Variants in VAT1L observed in about 807,000 individuals in gnomAD.
The protein encoded by VAT1L is putative NADPH-dependent quinone oxidoreductase VAT1L.
A neutral mutation model predicts 44.1 loss-of-function variants in VAT1L; 34 were observed. The ratio of observed to expected loss-of-function variants is 0.77; its 90% CI spans 0.59 to 1.03. The LOEUF is 1.03. VAT1L is among the 50% of genes least tolerant of loss of function. The probability of loss-of-function intolerance (pLI) is 0.00; values close to 1 mark genes in which losing one functional copy is unlikely to be tolerated. For synonymous variants in VAT1L, 253 were observed against 202.2 expected, an observed-to-expected ratio of 1.25 and a Z score of -2.13; for missense variants, 615 against 538.8, an observed-to-expected ratio of 1.14 and a Z score of -1.40.
intron 3 of VAT1L, among the ~76,000 whole-genome samples, chr16:77,831,441 G>T (rs2016576900): frequency 2.6e-5 from 4 of 152,114 alleles, no homozygotes; most frequent in Admixed American, 2.6e-4. Context: ...ATGCAGAAAA[G>T]GTGCTGCTTC....
intron 8 of VAT1L, among the ~76,000 whole-genome samples, chr16:77,976,024 C>T (rs373012118): frequency 6.6e-6 from 1 of 152,176 alleles, no homozygotes. Context: ...TTAAAAGAAC[C>T]AATGTCTGCG....
At position 77,884,922 on chromosome 16, in the gene VAT1L, G is replaced by C. The variant is rs1030351311; in HGVS notation, c.1077+120G>C. 1 of 1,151,356 alleles carries C rather than the reference G, an allele frequency of 8.7e-7. No homozygotes were observed. Among genetic ancestry groups the C allele is most frequent in the Middle Eastern group, 2.4e-4 (1 of 4,234 alleles). 71.3% of individuals were successfully genotyped at this position (1,151,356 alleles called of 1,614,324 possible). On this transcript the variant is annotated intron_variant, in intron 7 of 8. Transcript: ENST00000302536. This position sits in a 1 kb window ranked among gnomAD's most constrained non-coding sequence, Gnocchi z 4.5. ...TCCCAGATGGGTTTGTTTTAAATGA[G>C]GGTCCTAAAAGTCACCTGTACCACA...
chr16:77,811,122 G>C (rs774933549), intron 1 of VAT1L, among the ~76,000 whole-genome samples: 4 of 152,148 alleles, frequency 2.6e-5, no homozygotes, highest in Non-Finnish European at 4.4e-5. Flanking sequence ...ATCTGACACT[G>C]TTTGGATTTT....
At chr16:77,939,634 T>C (rs533736101) in intron 7 of VAT1L, among the ~76,000 whole-genome samples, 8 of 152,246 alleles carry the variant, frequency 5.3e-5, no homozygotes, top group African/African-American at 1.9e-4. Context: ...TCAAACCCTC[T>C]TGCTACCGAA....
intron 7 of VAT1L, among the ~76,000 whole-genome samples, chr16:77,895,293 A>G (rs935308514): frequency 4.6e-5 from 7 of 152,126 alleles, no homozygotes; most frequent in Non-Finnish European, 8.8e-5. Context: ...CAGTGTATCC[A>G]TCTGTGACAG....
intron 3 of VAT1L, among the ~76,000 whole-genome samples, chr16:77,849,358 A>G (rs2016786782): frequency 6.6e-6 from 1 of 152,204 alleles, no homozygotes; most frequent in South Asian, 2.1e-4. Flanking sequence ...AATGTGAAGA[A>G]ATCATCATTC....
chr16:77,928,839 A>ATGGAGTCTCACTCTGTCACCAGGC (rs1341636906), intron 7 of VAT1L, among the ~76,000 whole-genome samples: 1 of 151,912 alleles, frequency 6.6e-6, no homozygotes, highest in Admixed American at 6.6e-5. Context: ...TGTTTTTGAG[A>ATGGAGTCTCACTCTGTCACCAGGC]TGGAGTCTCA....
chr16:77,950,306 G>A (rs928137516), intron 7 of VAT1L, among the ~76,000 whole-genome samples: 2 of 152,148 alleles, frequency 1.3e-5, no homozygotes, highest in African/African-American at 2.4e-5. Flanking sequence ...CTACTCAGGA[G>A]GCTGACACAG....
intron 7 of VAT1L, among the ~76,000 whole-genome samples, chr16:77,967,955 C>T (rs959031294): frequency 3.3e-5 from 5 of 152,140 alleles, no homozygotes; most frequent in African/African-American, 1.2e-4. Flanking sequence ...GAGTGCCAAC[C>T]ACAATTGTGT....
chr16:77,915,346 A>AT (rs1284842548), intron 7 of VAT1L, among the ~76,000 whole-genome samples: 2 of 152,160 alleles, frequency 1.3e-5, no homozygotes. Context: ...GCATATACGG[A>AT]TTTTTTCAGA....
intron 3 of VAT1L, among the ~76,000 whole-genome samples, chr16:77,846,361 G>T (rs571588691): frequency 2.6e-5 from 4 of 152,196 alleles, no homozygotes; most frequent in Admixed American, 6.5e-5. Context: ...TTCTTGCTTT[G>T]CTGCCCCAAA....
rs142168302 is a variant in VAT1L, at chr16:77,940,779, C to G, written c.1078-31071C>G. Among the ~76,000 whole-genome samples the G allele has an allele frequency of 4.4e-3, 667 of 152,250 alleles. 1 individual carries two copies. Among genetic ancestry groups the G allele is most frequent in the Middle Eastern group, 0.017 (5 of 294 alleles). On this transcript the variant is annotated intron_variant, in intron 7 of 8. Coordinates refer to ENST00000302536, the MANE Select transcript of VAT1L (RefSeq NM_020927.3). The stretch of plus-strand genomic sequence containing the variant: ...CCAGCATCACCTAATGTATGTTTCC[C>G]AAAGACAGCTCTACTCTTATGTGAG...
chr16:77,874,839 TAAAAAAAAAAAAAA>T (rs769810512), intron 4 of VAT1L, among the ~76,000 whole-genome samples: 12 of 87,718 alleles, frequency 1.4e-4, no homozygotes, highest in Non-Finnish European at 2.5e-4. Context: ...AATTAATTTG[TAAAAAAAAAAAAAA>T]AAAAAAAAAA....
rs545870784 is a variant in VAT1L at position 77,901,951 on chromosome 16, A to G, written c.1077+17149A>G. On this transcript the variant is annotated intron_variant, in intron 7 of 8. Coordinates refer to ENST00000302536, the MANE Select transcript of VAT1L (RefSeq NM_020927.3). ...TTGCCGAGGAAGTGGCTGTCTTAAC[A>G]GGCATTTTAGAGAAGCTATCAGCCA... Among the ~76,000 whole-genome samples, 3 of 152,350 alleles carry G rather than the reference A, an allele frequency of 2.0e-5. No homozygotes were observed. In the South Asian group the frequency reaches 6.2e-4, roughly 32 times the overall value.
At chr16:77,889,247 T>C (rs1189972720) in intron 7 of VAT1L, among the ~76,000 whole-genome samples, 3 of 152,206 alleles carry the variant, frequency 2.0e-5, no homozygotes, top group South Asian at 2.1e-4. Flanking sequence ...GATTTAATAA[T>C]ATCAGAGACG....
At chr16:77,946,025 C>A (rs1269466548) in intron 7 of VAT1L, among the ~76,000 whole-genome samples, 1 of 152,032 alleles carries the variant, frequency 6.6e-6, no homozygotes, top group Non-Finnish European at 1.5e-5. Context: ...TGGTCTCGAA[C>A]TGCTGACCGC....
At chr16:77,963,212 C>A (rs1480328045) in intron 7 of VAT1L, among the ~76,000 whole-genome samples, 1 of 152,084 alleles carries the variant, frequency 6.6e-6, no homozygotes, top group Non-Finnish European at 1.5e-5. Flanking sequence ...GAATCTGGTA[C>A]CTCACATGGA....
At chr16:77,870,884 T>C (rs1281983518) in intron 4 of VAT1L, among the ~76,000 whole-genome samples, 1 of 152,202 alleles carries the variant, frequency 6.6e-6, no homozygotes, top group Non-Finnish European at 1.5e-5. Context: ...GTGATTTTCA[T>C]GATTATTTCA....
At chr16:77,959,545 C>T (rs963096915) in intron 7 of VAT1L, among the ~76,000 whole-genome samples, 15 of 152,112 alleles carry the variant, frequency 9.9e-5, no homozygotes, top group Non-Finnish European at 2.2e-4. Context: ...ATCTAACAGG[C>T]GTAGTGATCC....
Sources: gnomAD v4.1 joint callset for allele counts (sites outside exome capture counted in the v4.1 genomes callset) on GRCh38, gnomAD v4.1.1 for gene constraint, Gnocchi (gnomAD v3.1) non-coding constraint, MANE v1.5 for transcripts, NCBI Gene and HGNC (gene_info 2026-07-23, HGNC 2026-07-21) for gene names.